ZFAT: variants seen among roughly 807,000 people sequenced by gnomAD.
ZFAT encodes zinc finger and AT-hook domain containing, also known as zinc finger protein ZFAT.
Under a neutral mutation model 117.7 loss-of-function variants are expected in ZFAT, and 64 were observed. The observed-to-expected ratio is 0.54, with a 90% CI of 0.44 to 0.67. ZFAT has a LOEUF of 0.67. ZFAT is among the 30% of genes least tolerant of loss of function. ZFAT has a pLI of 0.00. For missense variants in ZFAT, 1,433 were observed against 1,584.5 expected (o/e 0.90, Z 1.62); for synonymous variants, 679 against 615.0 (o/e 1.10, Z -1.54).
At chr8:134,639,732 T>C (rs1042167892) in intron 2 of ZFAT, 1 of 456,310 alleles carries the variant, frequency 2.2e-6, no homozygotes, top group Non-Finnish European at 4.4e-6. Context: ...CAGCAATTCA[T>C]ATCAGAGAAG....
the ZFAT span, among the ~76,000 whole-genome samples, chr8:134,771,472 G>A: frequency 3.3e-5 from 5 of 152,188 alleles, no homozygotes; most frequent in Admixed American, 6.5e-5. Flanking sequence ...TGCTGCCAGT[G>A]TCTTTGCTAA....
intron 11 of ZFAT, among the ~76,000 whole-genome samples, chr8:134,537,644 G>T (rs1265787231): frequency 1.3e-5 from 2 of 151,946 alleles, no homozygotes; most frequent in East Asian, 3.9e-4. Context: ...TTCCCATTTT[G>T]AAATATCACT....
upstream of ZFAT, among the ~76,000 whole-genome samples, chr8:134,714,397 C>T (rs926275381): frequency 1.3e-5 from 2 of 152,128 alleles, no homozygotes; most frequent in Admixed American, 1.3e-4. Context: ...CCTTATAGGT[C>T]CTTTTCATCT....
chr8:134,713,235 G>A (rs1345758691), upstream of ZFAT, among the ~76,000 whole-genome samples: 1 of 152,196 alleles, frequency 6.6e-6, no homozygotes, highest in Non-Finnish European at 1.5e-5. Context: ...CCCTCGGGAG[G>A]TCCGGAGCGC....
chr8:134,727,919 T>A, the ZFAT span, among the ~76,000 whole-genome samples: 4 of 152,190 alleles, frequency 2.6e-5, no homozygotes, highest in Non-Finnish European at 5.9e-5. Flanking sequence ...ATGATAAATA[T>A]CATTATCAAA....
chr8:134,639,015 C>T (rs920766787), intron 2 of ZFAT, among the ~76,000 whole-genome samples: 1 of 152,182 alleles, frequency 6.6e-6, no homozygotes, highest in Non-Finnish European at 1.5e-5. Flanking sequence ...GAATGTCTCT[C>T]AGGTCCCTTC....
Position 134,600,423 on chromosome 8 carries a change from G to T in ZFAT, c.2475+13C>A. 6.2e-7 allele frequency: 1 copy of T among 1,611,698 alleles called. No individual in the cohort carries two copies. The highest frequency in any genetic ancestry group is 8.5e-7 in the Non-Finnish European group (1 of 1,177,790). On this transcript the variant is annotated intron_variant, in intron 7 of 15. Coordinates refer to ENST00000377838, the MANE Select transcript of ZFAT (RefSeq NM_020863.4). Reference sequence around the variant, plus strand: ...CAGGGGAGACGGGGCTGCCGCTTGGGCTTGCTACTTACCAGTGCTGTGTGA... The same window carrying T: ...CAGGGGAGACGGGGCTGCCGCTTGGTCTTGCTACTTACCAGTGCTGTGTGA...
the ZFAT span, among the ~76,000 whole-genome samples, chr8:134,802,401 A>G: frequency 5.3e-5 from 8 of 152,182 alleles, no homozygotes; most frequent in African/African-American, 1.7e-4. Flanking sequence ...GCAATACCAC[A>G]TGCATGCTGG....
At chr8:134,828,812 T>C in the ZFAT span, among the ~76,000 whole-genome samples, 1 of 152,226 alleles carries the variant, frequency 6.6e-6, no homozygotes, top group Non-Finnish European at 1.5e-5. Context: ...AAAGAATACA[T>C]AGTTGTTCTT....
At chr8:134,675,137 G>T (rs1452657585) in intron 1 of ZFAT, among the ~76,000 whole-genome samples, 1 of 152,180 alleles carries the variant, frequency 6.6e-6, no homozygotes, top group Non-Finnish European at 1.5e-5. Flanking sequence ...GGCTTCAGAA[G>T]GTGGGTAATA....
the ZFAT span, among the ~76,000 whole-genome samples, chr8:134,740,956 G>T: frequency 6.6e-6 from 1 of 152,198 alleles, no homozygotes; most frequent in Non-Finnish European, 1.5e-5. Flanking sequence ...AGGTAGGAAA[G>T]TCATTAAACT....
At chr8:134,624,029 T>C (rs1315939833) in intron 3 of ZFAT, among the ~76,000 whole-genome samples, 1 of 152,076 alleles carries the variant, frequency 6.6e-6, no homozygotes, top group Non-Finnish European at 1.5e-5. Flanking sequence ...AGACCTCCAT[T>C]CATGCGACAT....
At chr8:134,775,746 T>C in the ZFAT span, among the ~76,000 whole-genome samples, 2,933 of 152,308 alleles carry the variant, frequency 0.019, 83 homozygotes, top group African/African-American at 0.067. Context: ...CCAGGTTTTT[T>C]GGTTGTCTTA....
At chr8:134,591,797 A>T (rs573294750) in intron 7 of ZFAT, among the ~76,000 whole-genome samples, 1 of 152,290 alleles carries the variant, frequency 6.6e-6, no homozygotes, top group African/African-American at 2.4e-5. Flanking sequence ...AGAGCAAATC[A>T]CCTGAAGCTC....
intron 15 of ZFAT, among the ~76,000 whole-genome samples, chr8:134,507,175 G>GA (rs754296401): frequency 1.3e-5 from 2 of 152,168 alleles, no homozygotes; most frequent in East Asian, 3.9e-4. Context: ...TTTCTTGACT[G>GA]AAAAAATCCT....
the ZFAT span, chr8:134,796,765 G>A: frequency 1.3e-5 from 2 of 152,128 alleles, no homozygotes; most frequent in African/African-American, 4.8e-5. Flanking sequence ...TGACTATGAA[G>A]CACAAAGATT....
intron 3 of ZFAT, among the ~76,000 whole-genome samples, chr8:134,620,981 T>G (rs1422547156): frequency 6.6e-6 from 1 of 152,198 alleles, no homozygotes; most frequent in Admixed American, 6.5e-5. Flanking sequence ...CTTCTTCATG[T>G]ACATGTGCTA....
chr8:134,524,412 C>T (rs1820877325), intron 12 of ZFAT, among the ~76,000 whole-genome samples: 1 of 152,180 alleles, frequency 6.6e-6, no homozygotes, highest in South Asian at 2.1e-4. Context: ...GGGAGAGTAA[C>T]TGCCCTATTC....
chr8:134,579,117 G>T (rs1825532582), intron 10 of ZFAT, among the ~76,000 whole-genome samples: 1 of 152,218 alleles, frequency 6.6e-6, no homozygotes, highest in African/African-American at 2.4e-5. Context: ...AAGATTGGGA[G>T]CTTAATGTTG....
Sources: allele counts gnomAD v4.1 joint callset (sites outside exome capture counted in the v4.1 genomes callset), GRCh38; gene constraint gnomAD v4.1.1; transcripts MANE v1.5; gene names NCBI Gene and HGNC (gene_info 2026-07-23, HGNC 2026-07-21).